The following ST14 variants were observed in gnomAD, a reference collection of about 807,000 sequenced individuals.
The protein encoded by ST14 is suppressor of tumorigenicity 14 protein.
Under a neutral mutation model 96.5 loss-of-function variants are expected in ST14, and 40 were observed. The ratio of observed to expected loss-of-function variants is 0.41; its 90% CI spans 0.32 to 0.54. The LOEUF is 0.54. ST14 is among the 20% of genes least tolerant of loss of function. The pLI is 0.17. For missense variants in ST14, 1,066 were observed against 1,188.9 expected, an observed-to-expected ratio of 0.90 and a Z score of 1.52; for synonymous variants, 506 against 492.1, an observed-to-expected ratio of 1.03 and a Z score of -0.37.
At chr11:130,179,718 C>T (rs1227147523) in intron 1 of ST14, among the ~76,000 whole-genome samples, 1 of 152,198 alleles carries the variant, frequency 6.6e-6, no homozygotes, top group African/African-American at 2.4e-5. Flanking sequence ...TGCAACATGC[C>T]TCTGGTATCA....
At chr11:130,202,780 G>A (rs967535359) in intron 16 of ST14, among the ~76,000 whole-genome samples, 13 of 152,182 alleles carry the variant, frequency 8.5e-5, no homozygotes, top group African/African-American at 1.4e-4. Flanking sequence ...TATGATCTTC[G>A]GCAAGTTGCC....
chr11:130,195,668 C>A (rs895492760), intron 9 of ST14, among the ~76,000 whole-genome samples: 5 of 152,050 alleles, frequency 3.3e-5, no homozygotes, highest in Admixed American at 6.6e-5. Context: ...GCCTGGGCAA[C>A]ATTGTGAAAC....
At chr11:130,189,292 G>T in intron 4 of ST14, 1 of 467,818 alleles carries the variant, frequency 2.1e-6, no homozygotes, top group Non-Finnish European at 3.9e-6. Flanking sequence ...TGCTTGAGCA[G>T]TTTTTCACGC....
chr11:130,198,458 C>T (rs749584402), intron 13 of ST14, 40 bp downstream of exon 13: 38 of 1,597,840 alleles, frequency 2.4e-5, no homozygotes, highest in Non-Finnish European at 3.0e-5. Context: ...GGCAGGTGGG[C>T]GGGGCGACTG....
rs1183917583 is a variant in ST14 at position 130,190,754 on chromosome 11, C to A, written c.875+60C>A. On this transcript the variant is annotated intron_variant, in intron 7 of 18. Coordinates refer to ENST00000278742, the MANE Select transcript of ST14 (RefSeq NM_021978.4). ...GCTTGGCGGCTGCCCTGTAGGGGGC[C>A]AGCTTCTTCAACGATTGGGATACAG... 48 of 1,502,662 alleles carry A rather than the reference C, an allele frequency of 3.2e-5. No individual in the cohort carries two copies. In the East Asian group the frequency reaches 1.2e-3, roughly 37 times the overall value. The allele number at this position is 1,502,662 out of a possible 1,614,324, so 93.1% of individuals were successfully genotyped here. A position where few individuals can be genotyped will look rare whatever the true frequency, so the allele number is the denominator to read the frequency against.
At position 130,188,220 on chromosome 11, in the gene ST14, T is replaced by C; in HGVS notation, c.188T>C (p.Ile63Thr). 6.2e-7 allele frequency: 1 copy of C among 1,614,128 alleles called. No individual in the cohort carries two copies. Among genetic ancestry groups the C allele is most frequent in the Non-Finnish European group, 8.5e-7 (1 of 1,179,996 alleles). The change falls in exon 2 of 19, where the codon ATC becomes ACC. Residue 63 changes from isoleucine to threonine, a missense_variant. Physicochemically the swap from Ile to Thr is moderately conservative, Grantham distance 89. Transcript: ENST00000278742. This position sits in a 1 kb window ranked among gnomAD's most constrained non-coding sequence, Gnocchi z 5.4. Reference sequence around the variant, plus strand: ...TGGGTGGTGCTGGCAGCCGTGCTGATCGGCCTCCTCTTGGTCTTGCTGGGG... The same window carrying C: ...TGGGTGGTGCTGGCAGCCGTGCTGACCGGCCTCCTCTTGGTCTTGCTGGGG... ...GRWVVLAAVL[I>T]GLLLVLLGIG...
intron 11 of ST14, among the ~76,000 whole-genome samples, chr11:130,197,157 T>C (rs1953375711): frequency 6.6e-6 from 1 of 152,234 alleles, no homozygotes; most frequent in South Asian, 2.1e-4. Flanking sequence ...CCCTGCGTCA[T>C]AGAATAACCT....
intron 7 of ST14, among the ~76,000 whole-genome samples, chr11:130,191,365 G>A (rs1282590809): frequency 6.6e-6 from 1 of 151,870 alleles, no homozygotes; most frequent in African/African-American, 2.4e-5. Flanking sequence ...TTGGTCAAGG[G>A]GTAACAGGAA....
At chr11:130,179,410 G>A (rs1953170340) in intron 1 of ST14, among the ~76,000 whole-genome samples, 1 of 152,218 alleles carries the variant, frequency 6.6e-6, no homozygotes, top group South Asian at 2.1e-4. Context: ...TGGTTGGGGA[G>A]TGGGTGGGAG....
At chr11:130,205,048 T>C (rs182021420) in intron 16 of ST14, among the ~76,000 whole-genome samples, 107 of 152,318 alleles carry the variant, frequency 7.0e-4, no homozygotes, top group Admixed American at 2.8e-3. Flanking sequence ...AAATATGTAT[T>C]TTTCCAATGT....
chr11:130,174,020 G>C (rs550373259), intron 1 of ST14, among the ~76,000 whole-genome samples: 153 of 152,218 alleles, frequency 1.0e-3, no homozygotes, highest in African/African-American at 3.6e-3. Flanking sequence ...TTTTTTTGCA[G>C]AGCCTGAAAA....
intron 16 of ST14, among the ~76,000 whole-genome samples, chr11:130,204,018 C>T (rs73038967): frequency 0.065 from 9,824 of 152,232 alleles, 382 homozygotes; most frequent in Middle Eastern, 0.095. Flanking sequence ...GCCAGGCCTA[C>T]GTGATGTCGA....
chr11:130,204,050 C>A (rs866320115), intron 16 of ST14, among the ~76,000 whole-genome samples: 1 of 152,320 alleles, frequency 6.6e-6, no homozygotes, highest in East Asian at 1.9e-4. Context: ...TAACTCACTT[C>A]GTTTCCGGAC....
chr11:130,172,117 G>T (rs1189418748), intron 1 of ST14, among the ~76,000 whole-genome samples: 1 of 151,664 alleles, frequency 6.6e-6, no homozygotes, highest in Non-Finnish European at 1.5e-5. Context: ...TGTTTCTTTT[G>T]GTTGCTTTTT....
intron 8 of ST14, 137 bp downstream of exon 8, chr11:130,194,425 C>A: frequency 7.2e-7 from 1 of 1,387,566 alleles, no homozygotes; most frequent in Non-Finnish European, 9.9e-7. Context: ...GCAGCAGAGG[C>A]TGAAGCTTGA....
rs1263332975 is a variant in ST14 at position 130,194,173 on chromosome 11, C to T, written c.900C>T (p.Ser300=). Residue 300 remains serine (S), a synonymous_variant, in exon 8 of 19, where the codon TCC becomes TCT. Transcript: ENST00000278742. ...GGTTGTGTGGCACCTACCCTCCCTC[C>T]TACAACCTGACCTTCCACTCCTCCC... The part of the protein sequence containing the change: ...LVQLCGTYPP[S]YNLTFHSSQN... 3 of 1,614,210 alleles carry T rather than the reference C, an allele frequency of 1.9e-6. No homozygotes were observed. In the South Asian group the frequency reaches 3.3e-5, roughly 18 times the overall value.
intron 1 of ST14, among the ~76,000 whole-genome samples, chr11:130,162,273 C>A (rs1380035279): frequency 6.6e-6 from 1 of 152,146 alleles, no homozygotes; most frequent in African/African-American, 2.4e-5. Flanking sequence ...TCCTGATGCA[C>A]GTTACTGCAT....
chr11:130,168,132 A>G (rs74711095), intron 1 of ST14, among the ~76,000 whole-genome samples: 9,837 of 152,256 alleles, frequency 0.065, 1,044 homozygotes, highest in African/African-American at 0.22. Flanking sequence ...CATTCTTTCC[A>G]TCTTCTTATT....
At chr11:130,164,819 C>A (rs972182949) in intron 1 of ST14, among the ~76,000 whole-genome samples, 1 of 151,756 alleles carries the variant, frequency 6.6e-6, no homozygotes. Flanking sequence ...CTCACCACAA[C>A]CTCCGCCTCC....
Sources: allele counts gnomAD v4.1 joint callset (sites outside exome capture counted in the v4.1 genomes callset), GRCh38; gene constraint gnomAD v4.1.1; non-coding constraint Gnocchi (gnomAD v3.1); transcripts MANE v1.5; gene names NCBI Gene and HGNC (gene_info 2026-07-23, HGNC 2026-07-21).